The following RGL1 variants were observed in gnomAD, a reference collection of about 807,000 sequenced individuals.
RGL1 encodes the protein ral guanine nucleotide dissociation stimulator like 1, also known as ral guanine nucleotide dissociation stimulator-like 1.
Under a neutral mutation model 95.2 loss-of-function variants are expected in RGL1, and 24 were observed. The observed-to-expected ratio is 0.25, with a 90% CI of 0.18 to 0.35. The LOEUF (loss-of-function observed/expected upper bound fraction) is 0.35. Among genes scored for constraint, RGL1 ranks in the 10% least tolerant of loss-of-function variants. The pLI, the probability that RGL1 is intolerant of heterozygous loss-of-function variation, is 1.00. For missense variants in RGL1, 715 were observed against 936.3 expected (o/e 0.76, Z 3.08); for synonymous variants, 329 against 344.9 (o/e 0.95, Z 0.51).
At chr1:183,660,077 C>T (rs9730275) in intron 1 of RGL1, among the ~76,000 whole-genome samples, 398 of 152,230 alleles carry the variant, frequency 2.6e-3, no homozygotes, top group Middle Eastern at 6.8e-3. Context: ...TGGAAAGGAA[C>T]ACCCGGTACT....
At chr1:183,738,087 G>T (rs185526292) in intron 1 of RGL1, among the ~76,000 whole-genome samples, 1 of 152,254 alleles carries the variant, frequency 6.6e-6, no homozygotes, top group East Asian at 1.9e-4. Context: ...TATGGTATTT[G>T]CCTGGAGGTT....
chr1:183,722,136 A>G (rs530260924), intron 1 of RGL1, among the ~76,000 whole-genome samples: 6 of 152,154 alleles, frequency 3.9e-5, no homozygotes, highest in Admixed American at 2.0e-4. Flanking sequence ...GGAGCACTGG[A>G]GAAGGTAAGA....
intron 3 of RGL1, among the ~76,000 whole-genome samples, chr1:183,852,617 C>A (rs781182850): frequency 2.6e-5 from 4 of 151,978 alleles, no homozygotes; most frequent in African/African-American, 4.8e-5. Context: ...AGTTTGAGAC[C>A]AACCTGGCCA....
At chr1:183,836,109 C>G (rs1663631269) in intron 2 of RGL1, among the ~76,000 whole-genome samples, 1 of 152,194 alleles carries the variant, frequency 6.6e-6, no homozygotes, top group Non-Finnish European at 1.5e-5. Flanking sequence ...AAGGGTTGAG[C>G]ATCTAATCCA....
intron 8 of RGL1, among the ~76,000 whole-genome samples, chr1:183,891,555 C>G (rs1215045123): frequency 6.6e-6 from 1 of 152,140 alleles, no homozygotes; most frequent in African/African-American, 2.4e-5. Context: ...CCACCATTCT[C>G]TGACTCTGGG....
intron 1 of RGL1, among the ~76,000 whole-genome samples, chr1:183,656,804 G>A (rs1651199124): frequency 6.6e-6 from 1 of 152,112 alleles, no homozygotes; most frequent in Non-Finnish European, 1.5e-5. Context: ...GAACAAAAAA[G>A]ACATACAGAA....
At chr1:183,823,048 A>G (rs1662600009) in intron 2 of RGL1, among the ~76,000 whole-genome samples, 4 of 152,176 alleles carry the variant, frequency 2.6e-5, no homozygotes. Context: ...GTAGTAAGTG[A>G]TTCTTCTCTC....
chr1:183,859,417 T>C (rs1316880878), intron 3 of RGL1, among the ~76,000 whole-genome samples: 1 of 152,214 alleles, frequency 6.6e-6, no homozygotes, highest in African/African-American at 2.4e-5. Flanking sequence ...CTTGAACTCC[T>C]CTTTAGACAG....
chr1:183,659,525 C>T lies in RGL1; in HGVS notation c.-33+23024C>T, dbSNP rs376160873. Among the ~76,000 whole-genome samples the T allele has an allele frequency of 6.6e-5, 10 of 152,032 alleles. No homozygotes were observed. The East Asian group carries it at 7.7e-4, about 12-fold the overall frequency. ...TTAGAGAAAAAAGAATAAAAAGAAA[C>T]GAACAAAGCCTCCAAGAAATATGGG... is the stretch of plus-strand genomic sequence containing the variant. On this transcript the variant is annotated intron_variant, in intron 1 of 18. Transcript: ENST00000304685.
rs145780324 is a variant in RGL1 at position 183,806,376 on chromosome 1, G to A, written c.29G>A (p.Ser10Asn). The A allele has an allele frequency of 1.2e-6, 2 of 1,612,174 alleles. No homozygotes were observed. The highest frequency in any genetic ancestry group is 2.7e-5 in the African/African-American group (2 of 74,878). Residue 10 changes from serine (S) to asparagine (N), a missense_variant and splice_region_variant, in exon 2 of 18, where the codon AGC becomes AAC. By Grantham distance (46) the Ser-to-Asn change is conservative. Transcript: ENST00000360851. ...TTCTCTTTATCCCGTCCCTGGCAGA[G>A]CTCGATTCAGGACTGGGGTGAAGAG... MKLLWQAKMSSIQDWGEEVE... is the reference protein window; with the variant it reads MKLLWQAKMNSIQDWGEEVE...
At chr1:183,781,178 C>A (rs1659884019) in intron 2 of RGL1, among the ~76,000 whole-genome samples, 1 of 152,164 alleles carries the variant, frequency 6.6e-6, no homozygotes. Context: ...AGAAAAAAAT[C>A]AAATTCAATT....
chr1:183,817,950 C>G (rs1033912980), intron 2 of RGL1, among the ~76,000 whole-genome samples: 1 of 152,064 alleles, frequency 6.6e-6, no homozygotes, highest in Non-Finnish European at 1.5e-5. Context: ...TCTCAGGGAC[C>G]GAAAGTTGAT....
At chr1:183,776,790 C>G (rs1240853637) in intron 2 of RGL1, among the ~76,000 whole-genome samples, 1 of 152,158 alleles carries the variant, frequency 6.6e-6, no homozygotes, top group Admixed American at 6.5e-5. Flanking sequence ...CATGAAAGGC[C>G]ATGAAGCTTT....
intron 3 of RGL1, among the ~76,000 whole-genome samples, chr1:183,849,483 G>GTTTTTTTTTTTTTTTTTTTTTT (rs1418103960): frequency 2.5e-5 from 3 of 120,854 alleles, no homozygotes; most frequent in African/African-American, 3.2e-5. Flanking sequence ...CCAGTTTTTA[G>GTTTTTTTTTTTTTTTTTTTTTT]TTTTTTTTTT....
rs1016548944 is a variant in RGL1, at chr1:183,664,876, T to C, written c.-33+28375T>C. On this transcript the variant is annotated intron_variant, in intron 1 of 18. Transcript: ENST00000304685. ...CCTCCTTTCCAACCTGTATACTTTT[T>C]TTTCCCAATCTTATTGTGTTAGCTA... Among the ~76,000 whole-genome samples, 10 of 152,272 alleles carry C rather than the reference T, an allele frequency of 6.6e-5. No individual in the cohort carries two copies. The East Asian group carries it at 7.7e-4, about 12-fold the overall frequency.
intron 2 of RGL1, among the ~76,000 whole-genome samples, chr1:183,792,166 G>T (rs1166686600): frequency 6.6e-6 from 1 of 150,930 alleles, no homozygotes; most frequent in Non-Finnish European, 1.5e-5. Flanking sequence ...GCAGTTTTGT[G>T]GGGTTTTTTT....
At chr1:183,772,256 T>A (rs1038238480) in intron 2 of RGL1, among the ~76,000 whole-genome samples, 15 of 152,252 alleles carry the variant, frequency 9.9e-5, no homozygotes, top group Admixed American at 9.8e-4. Flanking sequence ...GATGGCAAAC[T>A]AAGAGAGCAC....
chr1:183,904,839 G>A lies in RGL1; in HGVS notation c.1351-11G>A. 1.3e-6 allele frequency: 2 copies of A among 1,581,456 alleles called. No homozygotes were observed. The highest frequency in any genetic ancestry group is 2.8e-5 in the African/African-American group (2 of 72,644). On this transcript the variant is annotated splice_polypyrimidine_tract_variant and intron_variant, in intron 12 of 17. Coordinates refer to ENST00000360851, the MANE Select transcript of RGL1 (RefSeq NM_001297671.3). Reference sequence around the variant, plus strand: ...TTTTTTTTTTAATTTTTGGTATTCTGTCTGCTTTAGGAATTTGAAGTGATT... The same window carrying A: ...TTTTTTTTTTAATTTTTGGTATTCTATCTGCTTTAGGAATTTGAAGTGATT...
intron 1 of RGL1, among the ~76,000 whole-genome samples, chr1:183,713,186 T>C (rs1655392844): frequency 6.6e-6 from 1 of 152,046 alleles, no homozygotes; most frequent in Non-Finnish European, 1.5e-5. Flanking sequence ...CCACAATGCA[T>C]GGCTAATTTT....
Sources: allele counts gnomAD v4.1 joint callset (sites outside exome capture counted in the v4.1 genomes callset), GRCh38; gene constraint gnomAD v4.1.1; transcripts MANE v1.5; gene names NCBI Gene and HGNC (gene_info 2026-07-23, HGNC 2026-07-21).